The following GPHN variants were observed in gnomAD, a reference collection of about 807,000 sequenced individuals.
GPHN encodes the protein gephyrin.
Under a neutral mutation model 95.5 loss-of-function variants are expected in GPHN, and 17 were observed. That is an observed-to-expected ratio of 0.18 (90% CI 0.12 to 0.27). GPHN has a LOEUF of 0.27. Ranked by LOEUF, GPHN falls within the 10% of genes least tolerant of loss-of-function variation. The pLI, the probability that GPHN is intolerant of heterozygous loss-of-function variation, is 1.00. For synonymous variants in GPHN, 320 were observed against 322.5 expected (o/e 0.99, Z 0.08); for missense variants, 660 against 978.1 (o/e 0.67, Z 4.34).
At chr14:66,711,781 C>T (rs1233067124) in intron 2 of GPHN, among the ~76,000 whole-genome samples, 4 of 151,686 alleles carry the variant, frequency 2.6e-5, no homozygotes, top group African/African-American at 7.3e-5. Context: ...TGATGTTCCC[C>T]GCCCTGGGTC....
intron 19 of GPHN, among the ~76,000 whole-genome samples, chr14:67,161,699 G>A (rs1019133066): frequency 3.9e-5 from 6 of 152,036 alleles, no homozygotes; most frequent in African/African-American, 1.4e-4. Context: ...GTGGCAGTGA[G>A]CCATGATAGC....
the GPHN span, among the ~76,000 whole-genome samples, chr14:67,701,434 T>C: frequency 3.5e-5 from 5 of 143,864 alleles, no homozygotes; most frequent in Admixed American, 1.4e-4. Context: ...TCTTTTTTTT[T>C]TTTTTTTTTT....
At chr14:67,366,295 G>T in the GPHN span, among the ~76,000 whole-genome samples, 2 of 152,214 alleles carry the variant, frequency 1.3e-5, no homozygotes, top group South Asian at 4.1e-4. Flanking sequence ...GGCTAGTCTT[G>T]AACTGGGCTC....
rs148737633 is a variant in GPHN at position 67,115,513 on chromosome 14, G to A, written c.1626+2342G>A. Among the ~76,000 whole-genome samples, 300 of 151,842 alleles carry A rather than the reference G, an allele frequency of 2.0e-3. 2 individuals carry two copies. The highest frequency in any genetic ancestry group is 3.2e-3 in the Admixed American group (49 of 15,268). ...TTTGGGAGGCCAAGGCGGGAGGATC[G>A]CTTGAGGTCAGGAGTTCGAGACCAG... On this transcript the variant is annotated intron_variant, in intron 16 of 22. Coordinates refer to ENST00000478722, the MANE Select transcript of GPHN (RefSeq NM_020806.5).
At chr14:66,736,879 C>T (rs1434196497) in intron 2 of GPHN, among the ~76,000 whole-genome samples, 1 of 152,108 alleles carries the variant, frequency 6.6e-6, no homozygotes, top group Non-Finnish European at 1.5e-5. Context: ...TTCTTATTTT[C>T]TTTCTTTTTA....
intron 9 of GPHN, among the ~76,000 whole-genome samples, chr14:67,009,818 G>T (rs2072861224): frequency 6.6e-6 from 1 of 151,900 alleles, no homozygotes; most frequent in Admixed American, 6.6e-5. Context: ...GTGTGCAGTG[G>T]TGCAATCTCA....
the GPHN span, chr14:67,562,792 G>A: frequency 1.2e-6 from 2 of 1,613,706 alleles, no homozygotes; most frequent in Non-Finnish European, 1.7e-6. Context: ...CAGCAGGGAA[G>A]AATGAGGAAA....
At chr14:66,704,858 A>G (rs2068908614) in intron 2 of GPHN, among the ~76,000 whole-genome samples, 1 of 152,194 alleles carries the variant, frequency 6.6e-6, no homozygotes, top group South Asian at 2.1e-4. Context: ...CCCTCCAAAA[A>G]AATCAGTTAA....
At chr14:66,744,610 G>A (rs2058068378) in intron 2 of GPHN, among the ~76,000 whole-genome samples, 1 of 152,206 alleles carries the variant, frequency 6.6e-6, no homozygotes, top group East Asian at 1.9e-4. Context: ...AGTCTGATCT[G>A]ATGTTAGACA....
At chr14:67,435,422 G>A in the GPHN span, among the ~76,000 whole-genome samples, 1 of 152,122 alleles carries the variant, frequency 6.6e-6, no homozygotes, top group Non-Finnish European at 1.5e-5. Flanking sequence ...CTGCCACATT[G>A]GGGATTAAGT....
At chr14:66,696,773 G>T (rs118187251) in intron 2 of GPHN, among the ~76,000 whole-genome samples, 607 of 152,306 alleles carry the variant, frequency 4.0e-3, no homozygotes, top group Middle Eastern at 0.014. Flanking sequence ...CAAGATCACA[G>T]CTTTGAGACT....
the GPHN span, chr14:67,574,231 G>A: frequency 3.5e-5 from 55 of 1,581,640 alleles, no homozygotes; most frequent in Admixed American, 5.4e-5. The surrounding 1 kb of genome is among the most constrained non-coding windows in gnomAD (Gnocchi z 4.2). Flanking sequence ...CCCATATCTC[G>A]CCCTCCACAG....
intron 10 of GPHN, among the ~76,000 whole-genome samples, chr14:67,041,736 A>G (rs943996002): frequency 1.3e-5 from 2 of 152,188 alleles, no homozygotes; most frequent in Non-Finnish European, 2.9e-5. Flanking sequence ...TATGCCCAGT[A>G]ATGGGATTGC....
the GPHN span, chr14:67,642,090 T>C: frequency 2.7e-5 from 32 of 1,165,976 alleles, no homozygotes; most frequent in Non-Finnish European, 4.0e-5. Flanking sequence ...ATGATTATGA[T>C]GTGTACTTTG....
At chr14:67,662,190 A>AC in the GPHN span, among the ~76,000 whole-genome samples, 117 of 151,830 alleles carry the variant, frequency 7.7e-4, no homozygotes, top group African/African-American at 2.6e-3. Flanking sequence ...AAAAAAAAAA[A>AC]CAACAGATTT....
At chr14:67,392,709 C>G in the GPHN span, 1 of 1,613,986 alleles carries the variant, frequency 6.2e-7, no homozygotes, top group African/African-American at 1.3e-5. Context: ...TCGGCCAGAT[C>G]CCCAGAGCGA....
At chr14:67,711,660 C>A in the GPHN span, among the ~76,000 whole-genome samples, 2 of 152,060 alleles carry the variant, frequency 1.3e-5, no homozygotes, top group Non-Finnish European at 2.9e-5. Flanking sequence ...GACCTTTTTT[C>A]TTTCCTATCT....
chr14:66,530,765 C>G (rs2058891839), intron 1 of GPHN, among the ~76,000 whole-genome samples: 1 of 152,072 alleles, frequency 6.6e-6, no homozygotes, highest in Non-Finnish European at 1.5e-5. Flanking sequence ...CACCCTGCTT[C>G]TGCTCGCCCT....
chr14:66,563,890 T>C (rs2060361474), intron 1 of GPHN, among the ~76,000 whole-genome samples: 1 of 152,194 alleles, frequency 6.6e-6, no homozygotes, highest in Non-Finnish European at 1.5e-5. Context: ...TGACAAAACC[T>C]TGGTTCTGAT....
Sources: gnomAD v4.1 joint callset for allele counts (sites outside exome capture counted in the v4.1 genomes callset) on GRCh38, gnomAD v4.1.1 for gene constraint, Gnocchi (gnomAD v3.1) non-coding constraint, MANE v1.5 for transcripts, NCBI Gene and HGNC (gene_info 2026-07-23, HGNC 2026-07-21) for gene names.